Variants in PCLO observed in about 807,000 individuals in gnomAD.
PCLO encodes the protein piccolo presynaptic cytomatrix protein, also known as protein piccolo.
In PCLO, 82 loss-of-function variants were observed where a neutral mutation model predicts 427.5. That is an observed-to-expected ratio of 0.19 (90% CI 0.16 to 0.23). The LOEUF is 0.23. Among genes scored for constraint, PCLO ranks in the 10% least tolerant of loss-of-function variants. PCLO has a pLI of 1.00. For synonymous variants in PCLO, 2,357 were observed against 2,155.4 expected, an observed-to-expected ratio of 1.09 and a Z score of -2.59; for missense variants, 6,239 against 6,115.9, an observed-to-expected ratio of 1.02 and a Z score of -0.67.
Position 82,754,038 on chromosome 7 carries a change from G to C in PCLO, c.*4537C>G, listed in dbSNP as rs541300258. 1.3e-5 allele frequency: 2 copies of C among 152,086 alleles called. No homozygotes were observed. Among genetic ancestry groups the C allele is most frequent in the Non-Finnish European group, 2.9e-5 (2 of 68,020 alleles). The allele number at this position is 152,086 out of a possible 1,614,324, so 9.4% of individuals were successfully genotyped here. A position where few individuals can be genotyped will look rare whatever the true frequency, so the allele number is the denominator to read the frequency against. ...GATATTTTCAGTATTTATTAGTAAG[G>C]CTGAGGCAACAGCCTTTATACGGCA... On this transcript the variant is annotated 3_prime_UTR_variant, in exon 25 of 25. Transcript: ENST00000333891.
Position 82,956,293 on chromosome 7 carries a change from C to T in PCLO, c.4660G>A (p.Asp1554Asn). Residue 1554 changes from aspartate to asparagine, a missense_variant, in exon 5 of 25, where the codon GAC becomes AAC. Physicochemically the swap from Asp to Asn is conservative, Grantham distance 23. Transcript: ENST00000333891. ...TCTATGATTTGTTTTCGAATGAAGT[C>T]CTCCTCTTCCCCTGATCCTTGGCTG... ...EDSQGSGEEE[D>N]FIRKQIIEMS... The T allele has an allele frequency of 1.9e-6, 3 of 1,612,778 alleles. No homozygotes were observed. The highest frequency in any genetic ancestry group is 2.5e-6 in the Non-Finnish European group (3 of 1,179,860).
At chr7:82,770,556 A>C (rs1562778138) in intron 22 of PCLO, among the ~76,000 whole-genome samples, 1 of 152,118 alleles carries the variant, frequency 6.6e-6, no homozygotes. Context: ...TTCTAAAAAA[A>C]AAAGGACATT....
At chr7:82,869,819 C>G (rs1043907318) in intron 10 of PCLO, among the ~76,000 whole-genome samples, 10 of 151,560 alleles carry the variant, frequency 6.6e-5, no homozygotes, top group Admixed American at 2.6e-4. Flanking sequence ...TAATGAAATA[C>G]CTAAGAATAA....
intron 3 of PCLO, among the ~76,000 whole-genome samples, chr7:83,096,018 C>T (rs1790527343): frequency 6.7e-6 from 1 of 149,900 alleles, no homozygotes; most frequent in Non-Finnish European, 1.5e-5. Flanking sequence ...GTTTATATCA[C>T]TTTCTTCATA....
At chr7:82,990,080 T>C (rs1373368832) in intron 3 of PCLO, among the ~76,000 whole-genome samples, 1 of 152,118 alleles carries the variant, frequency 6.6e-6, no homozygotes, top group Non-Finnish European at 1.5e-5. Flanking sequence ...GACTTTAAGT[T>C]AGACTTCCTA....
At chr7:83,124,063 C>T (rs548499829) in intron 3 of PCLO, among the ~76,000 whole-genome samples, 28 of 148,328 alleles carry the variant, frequency 1.9e-4, no homozygotes, top group African/African-American at 6.2e-4. Flanking sequence ...AATCTCAGTA[C>T]TTCAGTACTT....
At chr7:82,807,175 T>C (rs1452862507) in intron 20 of PCLO, among the ~76,000 whole-genome samples, 1 of 113,444 alleles carries the variant, frequency 8.8e-6, no homozygotes, top group East Asian at 2.8e-4. Flanking sequence ...CTTCTCAAGG[T>C]ATCCCCACTC....
chr7:83,124,725 C>T (rs558641032), intron 3 of PCLO, among the ~76,000 whole-genome samples: 139 of 152,172 alleles, frequency 9.1e-4, no homozygotes, highest in Non-Finnish European at 1.2e-3. Context: ...TCTCCCTCTC[C>T]GTCGTCTCCA....
At chr7:82,868,655 C>G (rs1793155487) in intron 10 of PCLO, among the ~76,000 whole-genome samples, 1 of 152,188 alleles carries the variant, frequency 6.6e-6, no homozygotes, top group South Asian at 2.1e-4. Context: ...TGGCCTTGGA[C>G]GTGCTTACTT....
At chr7:82,903,714 T>C (rs1348959296) in intron 8 of PCLO, among the ~76,000 whole-genome samples, 1 of 151,938 alleles carries the variant, frequency 6.6e-6, no homozygotes, top group East Asian at 1.9e-4. Context: ...AATTTTTGAC[T>C]TAAATTACAA....
intron 22 of PCLO, among the ~76,000 whole-genome samples, chr7:82,786,364 T>G (rs1448540773): frequency 6.6e-6 from 1 of 152,194 alleles, no homozygotes; most frequent in Non-Finnish European, 1.5e-5. Flanking sequence ...TCTGATATAT[T>G]TTTCTATACC....
intron 3 of PCLO, among the ~76,000 whole-genome samples, chr7:83,033,792 T>A (rs1309897755): frequency 6.6e-6 from 1 of 152,206 alleles, no homozygotes; most frequent in Non-Finnish European, 1.5e-5. Flanking sequence ...TCAATATTTT[T>A]AAATTTGGTA....
At chr7:83,125,895 A>AT (rs764258479) in intron 3 of PCLO, among the ~76,000 whole-genome samples, 52 of 150,970 alleles carry the variant, frequency 3.4e-4, no homozygotes, top group African/African-American at 7.1e-4. Context: ...TACTAAAAAA[A>AT]TTAAAAAAAA....
chr7:82,968,517 C>CTT (rs11324005), intron 3 of PCLO, among the ~76,000 whole-genome samples: 6 of 73,200 alleles, frequency 8.2e-5, no homozygotes, highest in South Asian at 5.2e-4. Context: ...CAGAGTCTGA[C>CTT]TTTTTTTTTT....
rs1562932994 is a variant in PCLO, at chr7:83,038,030, TTTATATATTTATATA to T, written c.3301-71558_3301-71544del. Among the ~76,000 whole-genome samples the T allele has an allele frequency of 2.7e-3, 95 of 35,662 alleles. 9 individuals are homozygous for T. The highest frequency in any genetic ancestry group is 0.018 in the African/African-American group (86 of 4,866). 23.4% of individuals were successfully genotyped at this position (35,662 alleles called of 152,430 possible). On this transcript the variant is annotated intron_variant, in intron 3 of 24. Coordinates refer to ENST00000333891, the MANE Select transcript of PCLO (RefSeq NM_033026.6). ...ATATATATATATATATATATATATA[TTTATATATTTATATA>T]TATATCTTTATATATATATTTATAT...
chr7:82,762,843 T>C (rs1244643956), intron 22 of PCLO, among the ~76,000 whole-genome samples: 3 of 152,078 alleles, frequency 2.0e-5, no homozygotes, highest in Non-Finnish European at 4.4e-5. Flanking sequence ...AGTCTTGCTA[T>C]GTTGCCTAGG....
intron 3 of PCLO, among the ~76,000 whole-genome samples, chr7:83,039,197 G>T (rs1788908321): frequency 6.6e-6 from 1 of 151,926 alleles, no homozygotes; most frequent in Admixed American, 6.6e-5. Flanking sequence ...AGTGTGATGT[G>T]AATCATTTAA....
rs140231065 is a variant in PCLO, at chr7:83,068,456, T to C, written c.3300+65794A>G. 2.6e-3 allele frequency among the ~76,000 whole-genome samples: 401 copies of C among 152,028 alleles called. 2 individuals are homozygous for C. Among genetic ancestry groups the C allele is most frequent in the African/African-American group, 9.3e-3 (386 of 41,474 alleles). On this transcript the variant is annotated intron_variant, in intron 3 of 24. Transcript: ENST00000333891. ...CCCCCCAGATAATCCAATTAAAAAATCTACTCAGCAAAGGACCTGAGTAGA... is the reference window on the plus strand; with the variant it reads ...CCCCCCAGATAATCCAATTAAAAAACCTACTCAGCAAAGGACCTGAGTAGA...
intron 3 of PCLO, among the ~76,000 whole-genome samples, chr7:83,061,842 C>T (rs1181428763): frequency 6.6e-6 from 1 of 152,154 alleles, no homozygotes; most frequent in Non-Finnish European, 1.5e-5. Flanking sequence ...TTGACTCTGG[C>T]TTTCAGGGGA....
Sources: allele counts gnomAD v4.1 joint callset (sites outside exome capture counted in the v4.1 genomes callset), GRCh38; gene constraint gnomAD v4.1.1; transcripts MANE v1.5; gene names NCBI Gene and HGNC (gene_info 2026-07-23, HGNC 2026-07-21).